The following NRG3 variants were observed in gnomAD, a reference collection of about 807,000 sequenced individuals.
NRG3 encodes the protein pro-neuregulin-3, membrane-bound isoform.
A neutral mutation model predicts 66.9 loss-of-function variants in NRG3; 31 were observed. That is an observed-to-expected ratio of 0.46 (90% CI 0.35 to 0.63). NRG3 has a LOEUF of 0.63. Among genes scored for constraint, NRG3 ranks in the 20% least tolerant of loss-of-function variants. The pLI is 0.00. For missense variants in NRG3, 910 were observed against 878.9 expected, an observed-to-expected ratio of 1.04 and a Z score of -0.45; for synonymous variants, 393 against 359.4, an observed-to-expected ratio of 1.09 and a Z score of -1.06.
At chr10:82,334,652 T>C (rs552533115) in intron 1 of NRG3, among the ~76,000 whole-genome samples, 1 of 152,326 alleles carries the variant, frequency 6.6e-6, no homozygotes, top group African/African-American at 2.4e-5. Flanking sequence ...TATATAAGTA[T>C]TTGATACAGA....
intron 1 of NRG3, among the ~76,000 whole-genome samples, chr10:81,921,615 G>T (rs1331765025): frequency 1.3e-5 from 2 of 151,930 alleles, no homozygotes; most frequent in East Asian, 3.9e-4. Context: ...TGTTTCTTAG[G>T]TTATTTTTGA....
chr10:82,905,870 T>G (rs1209246545), intron 4 of NRG3, among the ~76,000 whole-genome samples: 1 of 152,172 alleles, frequency 6.6e-6, no homozygotes, highest in Non-Finnish European at 1.5e-5. Context: ...TGTTTCTGTC[T>G]TTTCCCTGGG....
intron 4 of NRG3, among the ~76,000 whole-genome samples, chr10:82,874,126 T>C (rs1041953737): frequency 1.3e-5 from 2 of 152,198 alleles, no homozygotes; most frequent in East Asian, 3.9e-4. Context: ...TCAAACTTGA[T>C]CGTATATTGG....
intron 3 of NRG3, among the ~76,000 whole-genome samples, chr10:82,790,408 A>G (rs577189121): frequency 6.6e-6 from 1 of 152,084 alleles, no homozygotes; most frequent in Admixed American, 6.6e-5. Flanking sequence ...ATCCCACCAC[A>G]TCGTGGCTTC....
At chr10:82,225,717 G>A (rs575527982) in intron 1 of NRG3, among the ~76,000 whole-genome samples, 2 of 152,118 alleles carry the variant, frequency 1.3e-5, no homozygotes, top group Admixed American at 6.5e-5. Context: ...CATTGAGTAA[G>A]GTCTTAGGAT....
In NRG3 at chr10:82,125,324, T is replaced by C. The variant is rs181356197; in HGVS notation, c.824-233415T>C. ...TAGACTTTATGTACAGCCCTCAGATTAAGTGATCTTCACCAAACTCTGCTC... is the reference window on the plus strand; with the variant it reads ...TAGACTTTATGTACAGCCCTCAGATCAAGTGATCTTCACCAAACTCTGCTC... On this transcript the variant is annotated intron_variant, in intron 1 of 8. Transcript: ENST00000372141. Among the ~76,000 whole-genome samples, 19 of 152,108 alleles carry C rather than the reference T, an allele frequency of 1.2e-4. No homozygotes were observed. In the East Asian group the frequency reaches 3.5e-3, roughly 28 times the overall value.
At chr10:82,782,286 G>T (rs1276941699) in intron 3 of NRG3, among the ~76,000 whole-genome samples, 1 of 152,042 alleles carries the variant, frequency 6.6e-6, no homozygotes, top group Admixed American at 6.6e-5. Context: ...CTAATAAAAG[G>T]GTAAGCTCAG....
rs1564625380 is a variant in NRG3 at position 81,876,096 on chromosome 10, C to T, written c.756C>T (p.Ser252=). The part of the protein sequence containing the change: ...WTLSPFQDAA[S]SSSSSSSSAT... ...TGTCTCCCTTTCAGGATGCTGCCTC[C>T]TCTTCTTCCTCTTCTTCCTCCTCCG... The change falls in exon 1 of 9, where the codon TCC becomes TCT. Residue 252 remains serine (S), a synonymous_variant. Transcript: ENST00000372141. 5 of 1,611,186 alleles carry T rather than the reference C, an allele frequency of 3.1e-6. No homozygotes were observed. Among genetic ancestry groups the T allele is most frequent in the Admixed American group, 1.7e-5 (1 of 59,644 alleles).
chr10:82,087,421 G>A (rs1406694873), intron 1 of NRG3, among the ~76,000 whole-genome samples: 6 of 151,852 alleles, frequency 4.0e-5, no homozygotes, highest in Non-Finnish European at 7.4e-5. Context: ...CTGTTCAGAG[G>A]GATGAACACA....
At chr10:82,082,738 G>C (rs1273952597) in intron 1 of NRG3, among the ~76,000 whole-genome samples, 4 of 152,248 alleles carry the variant, frequency 2.6e-5, no homozygotes, top group East Asian at 3.9e-4. Flanking sequence ...AATCCCAAAG[G>C]AATGACACCT....
chr10:82,457,439 G>T (rs560970992), intron 2 of NRG3, among the ~76,000 whole-genome samples: 3 of 152,270 alleles, frequency 2.0e-5, no homozygotes, highest in South Asian at 4.1e-4. Context: ...CTGACAGGAG[G>T]TGGAGCTCAG....
At chr10:82,066,913 A>T (rs1017082400) in intron 1 of NRG3, among the ~76,000 whole-genome samples, 1 of 152,166 alleles carries the variant, frequency 6.6e-6, no homozygotes, top group Non-Finnish European at 1.5e-5. Flanking sequence ...CCATAGACTC[A>T]TTAAGACAAT....
chr10:82,715,223 C>T (rs964665014), intron 2 of NRG3, among the ~76,000 whole-genome samples: 4 of 152,130 alleles, frequency 2.6e-5, no homozygotes, highest in African/African-American at 9.7e-5. Flanking sequence ...GGCAAAACCC[C>T]ATCGCTACCA....
At chr10:82,565,192 A>G (rs2045320783) in intron 2 of NRG3, among the ~76,000 whole-genome samples, 1 of 152,098 alleles carries the variant, frequency 6.6e-6, no homozygotes, top group Non-Finnish European at 1.5e-5. Flanking sequence ...TGTTGGGGAA[A>G]ATGCCAGGTA....
Position 82,462,755 on chromosome 10 carries a change from A to G in NRG3, c.953+103887A>G, listed in dbSNP as rs191529993. 1.1e-3 allele frequency among the ~76,000 whole-genome samples: 165 copies of G among 152,304 alleles called. 1 individual carries two copies. The highest frequency in any genetic ancestry group is 3.8e-3 in the African/African-American group (156 of 41,556). On this transcript the variant is annotated intron_variant, in intron 2 of 8. Transcript: ENST00000372141. ...ATTCTCAGAGACAGGTGCTGTAAGAATAGTTTTGGGGAGAAAGATAGTAAA... is the reference window on the plus strand; with the variant it reads ...ATTCTCAGAGACAGGTGCTGTAAGAGTAGTTTTGGGGAGAAAGATAGTAAA...
At chr10:82,539,155 G>A (rs1383943860) in intron 2 of NRG3, among the ~76,000 whole-genome samples, 1 of 152,206 alleles carries the variant, frequency 6.6e-6, no homozygotes, top group Non-Finnish European at 1.5e-5. Context: ...TAGAGCAATA[G>A]TTCATACCTG....
At chr10:82,528,431 T>C (rs1355932321) in intron 2 of NRG3, among the ~76,000 whole-genome samples, 1 of 152,200 alleles carries the variant, frequency 6.6e-6, no homozygotes, top group African/African-American at 2.4e-5. Context: ...ATGGTTAGTA[T>C]TCTAGCAGAA....
At chr10:82,457,877 T>A (rs1268373322) in intron 2 of NRG3, among the ~76,000 whole-genome samples, 1 of 152,192 alleles carries the variant, frequency 6.6e-6, no homozygotes, top group Non-Finnish European at 1.5e-5. Flanking sequence ...CCTGGGCTGA[T>A]TTTTCCGCTA....
chr10:82,620,220 G>A (rs954344712), intron 2 of NRG3, among the ~76,000 whole-genome samples: 11 of 152,104 alleles, frequency 7.2e-5, no homozygotes, highest in Admixed American at 1.3e-4. Context: ...TTGCCTTGTC[G>A]CGTGGGGCTG....
Sources: gnomAD v4.1 joint callset for allele counts (sites outside exome capture counted in the v4.1 genomes callset) on GRCh38, gnomAD v4.1.1 for gene constraint, MANE v1.5 for transcripts, NCBI Gene and HGNC (gene_info 2026-07-23, HGNC 2026-07-21) for gene names.